The following DZANK1 variants were observed in gnomAD, a reference collection of about 807,000 sequenced individuals.
DZANK1 encodes the protein double zinc ribbon and ankyrin repeat domains 1.
A neutral mutation model predicts 94.5 loss-of-function variants in DZANK1; 91 were observed. That is an observed-to-expected ratio of 0.96 (90% CI 0.81 to 1.15). The LOEUF is 1.15. Among genes scored for constraint, DZANK1 ranks in the 50% most tolerant of loss-of-function variants. DZANK1 has a pLI of 0.00. For missense variants in DZANK1, 903 were observed against 916.4 expected (o/e 0.99, Z 0.19); for synonymous variants, 312 against 325.3 (o/e 0.96, Z 0.44).
intron 10 of DZANK1, among the ~76,000 whole-genome samples, chr20:18,425,236 T>A (rs1256237550): frequency 6.6e-6 from 1 of 151,162 alleles, no homozygotes; most frequent in Non-Finnish European, 1.5e-5. Context: ...ACTCTTAGAC[T>A]GTCCGTGATT....
intron 10 of DZANK1, among the ~76,000 whole-genome samples, chr20:18,417,543 AC>A (rs11476403): frequency 0.27 from 41,480 of 152,020 alleles, 5,934 homozygotes; most frequent in South Asian, 0.35. Flanking sequence ...CAAGTCTAAA[AC>A]CACATTAATA....
At position 18,413,578 on chromosome 20, in the gene DZANK1, G is replaced by A. The variant is rs190105103; in HGVS notation, c.1243-743C>T. On this transcript the variant is annotated intron_variant, in intron 12 of 20. Coordinates refer to ENST00000262547, the Ensembl canonical transcript of DZANK1. ...GGGTGGATCACGAGGTAAGGAGTTC[G>A]AGATCAGCCCGACCAACATGGTGAA... is the stretch of plus-strand genomic sequence containing the variant. Among the ~76,000 whole-genome samples the A allele has an allele frequency of 5.3e-5, 8 of 152,188 alleles. No individual in the cohort carries two copies. In the East Asian group the frequency reaches 1.4e-3, roughly 26 times the overall value.
chr20:18,453,913 G>T, intron 4 of DZANK1, 86 bp from the exon 5 acceptor site: 1 of 897,878 alleles, frequency 1.1e-6, no homozygotes, highest in South Asian at 1.3e-5. Context: ...GTCATGGTGT[G>T]CATTTCTTAT....
chr20:18,439,365 G>T (rs2058645859), intron 8 of DZANK1, among the ~76,000 whole-genome samples: 2 of 152,202 alleles, frequency 1.3e-5, no homozygotes, highest in South Asian at 2.1e-4. Flanking sequence ...TTTGTGAACT[G>T]ATTTATGTCT....
At chr20:18,460,233 C>T (rs2059429215) in exon 3 of DZANK1, 2 of 1,594,362 alleles carry the variant, frequency 1.3e-6, no homozygotes, top group Admixed American at 1.7e-5. Flanking sequence ...TGTTATTTTC[C>T]CCATAACCAA....
intron 18 of DZANK1, 123 bp downstream of exon 18, chr20:18,390,256 G>A (rs193161399): frequency 3.2e-5 from 28 of 863,158 alleles, no homozygotes; most frequent in Admixed American, 6.1e-5. Flanking sequence ...ACTATATCCC[G>A]GGTTTTTAAT....
intron 5 of DZANK1, among the ~76,000 whole-genome samples, 186 bp downstream of exon 5, chr20:18,453,545 A>G (rs1343358300): frequency 2.0e-5 from 3 of 151,794 alleles, no homozygotes. Context: ...GGACTGCTTG[A>G]TCCTCCTTCA....
At chr20:18,401,157 A>G (rs1003042149) in intron 13 of DZANK1, among the ~76,000 whole-genome samples, 1 of 152,094 alleles carries the variant, frequency 6.6e-6, no homozygotes, top group African/African-American at 2.4e-5. Flanking sequence ...GGCTGGTCTC[A>G]AACTCCTGAC....
intron 8 of DZANK1, among the ~76,000 whole-genome samples, chr20:18,439,558 G>C (rs757270223): frequency 6.6e-5 from 10 of 152,056 alleles, no homozygotes; most frequent in Non-Finnish European, 1.0e-4. Flanking sequence ...CTTGTCTTTG[G>C]CAGTTAAGTG....
At chr20:18,450,502 T>C (rs1406169938) in intron 6 of DZANK1, among the ~76,000 whole-genome samples, 3 of 152,230 alleles carry the variant, frequency 2.0e-5, no homozygotes, top group South Asian at 2.1e-4. Flanking sequence ...TTGGCTCCCA[T>C]AGTGTTTCAA....
chr20:18,399,468 G>C (rs951783128), intron 13 of DZANK1, among the ~76,000 whole-genome samples: 1 of 152,124 alleles, frequency 6.6e-6, no homozygotes, highest in Non-Finnish European at 1.5e-5. Flanking sequence ...GGGCTCAAGT[G>C]ATCTGCTTGC....
intron 9 of DZANK1, among the ~76,000 whole-genome samples, chr20:18,431,199 A>G (rs2058268899): frequency 6.6e-6 from 1 of 152,124 alleles, no homozygotes; most frequent in African/African-American, 2.4e-5. Context: ...AAATACAGAA[A>G]CTTCTGCTAC....
chr20:18,388,269 C>G (rs1238827206), intron 19 of DZANK1, among the ~76,000 whole-genome samples: 2 of 152,186 alleles, frequency 1.3e-5, no homozygotes, highest in African/African-American at 4.8e-5. Context: ...CTATTACACA[C>G]CATTCAGATA....
chr20:18,404,601 A>G (rs1450302733), intron 13 of DZANK1, among the ~76,000 whole-genome samples: 1 of 152,222 alleles, frequency 6.6e-6, no homozygotes, highest in Non-Finnish European at 1.5e-5. Flanking sequence ...AAATCATGAG[A>G]CATGCAAAGA....
At chr20:18,452,051 G>T in intron 6 of DZANK1, 1 of 386,298 alleles carries the variant, frequency 2.6e-6, no homozygotes, top group East Asian at 6.5e-5. Context: ...ATACCTGACC[G>T]TTAGAATCAT....
intron 9 of DZANK1, chr20:18,428,619 C>T (rs993386859): frequency 6.6e-6 from 1 of 152,224 alleles, no homozygotes; most frequent in African/African-American, 2.4e-5. Context: ...TAGTTACTGA[C>T]CACTATTCTC....
At chr20:18,461,572 T>C (rs570560445) in intron 2 of DZANK1, among the ~76,000 whole-genome samples, 1 of 151,858 alleles carries the variant, frequency 6.6e-6, no homozygotes, top group South Asian at 2.1e-4. Context: ...TAGTTACTGC[T>C]GAGTCAAAAG....
chr20:18,398,062 T>A (rs1175174135), intron 14 of DZANK1, among the ~76,000 whole-genome samples: 1 of 152,150 alleles, frequency 6.6e-6, no homozygotes, highest in African/African-American at 2.4e-5. Flanking sequence ...TTATTTTTTT[T>A]AAAGTGATCA....
At chr20:18,411,286 T>TA (rs2057244010) in intron 13 of DZANK1, among the ~76,000 whole-genome samples, 1 of 152,144 alleles carries the variant, frequency 6.6e-6, no homozygotes. Flanking sequence ...CTCAAGTTAC[T>TA]AGAATTAGAA....
Sources: gnomAD v4.1 joint callset for allele counts (sites outside exome capture counted in the v4.1 genomes callset) on GRCh38, gnomAD v4.1.1 for gene constraint, MANE v1.5 for transcripts, NCBI Gene and HGNC (gene_info 2026-07-23, HGNC 2026-07-21) for gene names.